LARP1B: variants seen among roughly 807,000 people sequenced by gnomAD.
LARP1B encodes the protein la-related protein 1B.
LARP1B carries 76 observed loss-of-function variants against 114.2 expected under a neutral mutation model. The observed-to-expected ratio is 0.67, with a 90% confidence interval of 0.55 to 0.81. LARP1B has a LOEUF of 0.81. Ranked by LOEUF, LARP1B falls within the 30% of genes least tolerant of loss-of-function variation. The pLI is 0.00. For synonymous variants in LARP1B, 345 were observed against 348.0 expected (o/e 0.99, Z 0.10); for missense variants, 1,014 against 1,075.8 (o/e 0.94, Z 0.80).
intron 15 of LARP1B, among the ~76,000 whole-genome samples, chr4:128,191,662 T>C (rs1044256287): frequency 6.6e-6 from 1 of 152,204 alleles, no homozygotes; most frequent in East Asian, 1.9e-4. Flanking sequence ...GCCACTCTGA[T>C]ATGGCATCTC....
intron 1 of LARP1B, among the ~76,000 whole-genome samples, chr4:128,064,197 G>A (rs570886856): frequency 4.7e-5 from 7 of 148,276 alleles, no homozygotes; most frequent in African/African-American, 1.2e-4. Flanking sequence ...GCTTGAACCC[G>A]GGAGACGGAG....
intron 14 of LARP1B, among the ~76,000 whole-genome samples, chr4:128,179,001 A>G (rs965809063): frequency 6.6e-6 from 1 of 152,176 alleles, no homozygotes; most frequent in Non-Finnish European, 1.5e-5. Flanking sequence ...CTGAGGTGGC[A>G]GGATTGCTTG....
At chr4:128,101,245 C>T (rs563465364) in intron 8 of LARP1B, among the ~76,000 whole-genome samples, 7 of 151,806 alleles carry the variant, frequency 4.6e-5, no homozygotes, top group South Asian at 2.1e-4. Flanking sequence ...AGGCCAAGGC[C>T]GATGGATCAC....
At chr4:128,166,113 T>C (rs1740700442) in intron 12 of LARP1B, among the ~76,000 whole-genome samples, 1 of 152,026 alleles carries the variant, frequency 6.6e-6, no homozygotes, top group African/African-American at 2.4e-5. Flanking sequence ...ATGTTAAATA[T>C]CATATGTCCA....
chr4:128,222,263 G>T, intron 7 of LARP1B: 2 of 452,802 alleles, frequency 4.4e-6, no homozygotes, highest in Non-Finnish European at 8.9e-6. Context: ...TTTCCATGAA[G>T]CAGTTACCAT....
chr4:128,210,353 A>T lies in LARP1B; in HGVS notation c.*300A>T, dbSNP rs1758754396. On this transcript the variant is annotated 3_prime_UTR_variant, in exon 20 of 20. Transcript: ENST00000326639. Reference sequence around the variant, plus strand: ...GATCTCAGATTTCTTTTTCAAAGCCATGGTTTTACAAAAACAGCATTCCTT... The same window carrying T: ...GATCTCAGATTTCTTTTTCAAAGCCTTGGTTTTACAAAAACAGCATTCCTT... 8.9e-7 allele frequency: 1 copy of T among 1,123,668 alleles called. No homozygotes were observed. The highest frequency in any genetic ancestry group is 5.4e-5 in the East Asian group (1 of 18,388). The allele number at this position is 1,123,668 out of a possible 1,614,324, so 69.6% of individuals were successfully genotyped here.
At chr4:128,069,759 T>C (rs1189270081) in intron 1 of LARP1B, 1 of 260,268 alleles carries the variant, frequency 3.8e-6, no homozygotes, top group Non-Finnish European at 7.4e-6. Context: ...TTCCATTCTT[T>C]TACTCATAAC....
chr4:128,066,253 T>G (rs1170905115), intron 1 of LARP1B, among the ~76,000 whole-genome samples: 1 of 142,032 alleles, frequency 7.0e-6, no homozygotes, highest in African/African-American at 2.6e-5. Flanking sequence ...CTCTGCTCAC[T>G]GCAAGCTCCG....
intron 15 of LARP1B, among the ~76,000 whole-genome samples, chr4:128,180,906 G>T (rs2150685569): frequency 6.6e-6 from 1 of 152,228 alleles, no homozygotes; most frequent in East Asian, 1.9e-4. Context: ...GTAATGTCTT[G>T]TTTTGAAGTC....
In LARP1B at chr4:128,122,648, T is replaced by TA. The variant is rs1320882861; in HGVS notation, c.1524+461dup. On this transcript the variant is annotated intron_variant, in intron 11 of 19. Coordinates refer to ENST00000326639, the MANE Select transcript of LARP1B (RefSeq NM_018078.4). ...CTCTTTCTGTTTTCCCCACTTAGTCTATGGTGCATGATCTAAGGTAGTGGA... is the reference window on the plus strand; with the variant it reads ...CTCTTTCTGTTTTCCCCACTTAGTCTAATGGTGCATGATCTAAGGTAGTGGA... 7 of 1,441,914 alleles carry TA rather than the reference T, an allele frequency of 4.9e-6. No homozygotes were observed. The East Asian group carries it at 1.2e-4, about 26-fold the overall frequency. The allele number at this position is 1,441,914 out of a possible 1,614,324, so 89.3% of individuals were successfully genotyped here.
At chr4:128,166,374 C>G (rs887923309) in intron 12 of LARP1B, among the ~76,000 whole-genome samples, 3 of 151,918 alleles carry the variant, frequency 2.0e-5, no homozygotes, top group African/African-American at 7.2e-5. Flanking sequence ...CCAGCGTTTT[C>G]TCCTTGGTTA....
chr4:128,162,384 A>G lies in LARP1B; in HGVS notation c.1648+67A>G, dbSNP rs1251519273. On this transcript the variant is annotated intron_variant, in intron 12 of 19. Coordinates refer to ENST00000326639, the MANE Select transcript of LARP1B (RefSeq NM_018078.4). ...AAGCAGTTCTGAATTGTTTTTAAAA[A>G]TTGCTCCTTTTTTTTCTTTATTTGT... The G allele has an allele frequency of 4.4e-6, 6 of 1,376,254 alleles. No homozygotes were observed. In the Admixed American group the frequency reaches 1.2e-4, roughly 27 times the overall value. The allele number at this position is 1,376,254 out of a possible 1,614,324, so 85.3% of individuals were successfully genotyped here.
At chr4:128,092,573 G>A (rs560595749) in intron 7 of LARP1B, among the ~76,000 whole-genome samples, 1 of 152,126 alleles carries the variant, frequency 6.6e-6, no homozygotes, top group African/African-American at 2.4e-5. Context: ...TCCTTACAAG[G>A]TGAAGGAAAA....
chr4:128,098,706 C>T (rs1300285428), intron 8 of LARP1B, among the ~76,000 whole-genome samples: 2 of 121,938 alleles, frequency 1.6e-5, no homozygotes, highest in African/African-American at 6.2e-5. Context: ...CAAATTTCTT[C>T]AGGTTACTGT....
intron 10 of LARP1B, among the ~76,000 whole-genome samples, chr4:128,117,840 C>A (rs1191901440): frequency 1.3e-5 from 2 of 151,154 alleles, no homozygotes; most frequent in Non-Finnish European, 3.0e-5. Context: ...TTTTTAAGAT[C>A]ATTTCTTCAT....
chr4:128,098,894 C>T (rs1310256571), intron 8 of LARP1B, among the ~76,000 whole-genome samples: 1 of 148,486 alleles, frequency 6.7e-6, no homozygotes, highest in African/African-American at 2.5e-5. Context: ...TCTCCTGCCT[C>T]AGCCTTCTGA....
At position 128,211,514 on chromosome 4, in the gene LARP1B, C is replaced by A; in HGVS notation, c.*1461C>A. ...TACTATTTGGAGGGTCATTTTGATG[C>A]TTTAAATTGCAGAAATAGTCAAATT... On this transcript the variant is annotated 3_prime_UTR_variant, in exon 20 of 20. Coordinates refer to ENST00000326639, the MANE Select transcript of LARP1B (RefSeq NM_018078.4). 1 of 900,674 alleles carries A rather than the reference C, an allele frequency of 1.1e-6. No individual in the cohort carries two copies. The highest frequency in any genetic ancestry group is 1.3e-6 in the Non-Finnish European group (1 of 752,958). The allele number at this position is 900,674 out of a possible 1,614,324, so 55.8% of individuals were successfully genotyped here. A position where few individuals can be genotyped will look rare whatever the true frequency, so the allele number is the denominator to read the frequency against.
chr4:128,084,030 G>A (rs1455227331), intron 5 of LARP1B, among the ~76,000 whole-genome samples: 5 of 151,658 alleles, frequency 3.3e-5, no homozygotes, highest in African/African-American at 7.3e-5. Flanking sequence ...GACGATGGGC[G>A]GCCGGGCAGA....
intron 12 of LARP1B, among the ~76,000 whole-genome samples, chr4:128,167,810 G>A (rs1741796893): frequency 1.3e-5 from 2 of 151,898 alleles, no homozygotes; most frequent in Admixed American, 6.6e-5. Flanking sequence ...CAAGTTTTTG[G>A]CAGTTTGTTT....
Sources: gnomAD v4.1 joint callset for allele counts (sites outside exome capture counted in the v4.1 genomes callset) on GRCh38, gnomAD v4.1.1 for gene constraint, MANE v1.5 for transcripts, NCBI Gene and HGNC (gene_info 2026-07-23, HGNC 2026-07-21) for gene names.